Variants in CHRNA4 observed in about 807,000 individuals in gnomAD.
CHRNA4 encodes neuronal acetylcholine receptor subunit alpha-4.
A neutral mutation model predicts 48.9 loss-of-function variants in CHRNA4; 28 were observed. The ratio of observed to expected loss-of-function variants is 0.57; its 90% confidence interval spans 0.42 to 0.79. CHRNA4 has a LOEUF of 0.79. Among genes scored for constraint, CHRNA4 ranks in the 30% least tolerant of loss-of-function variants. The pLI is 0.00. For synonymous variants in CHRNA4, 425 were observed against 402.3 expected (o/e 1.06, Z -0.68); for missense variants, 859 against 898.4 (o/e 0.96, Z 0.56).
In CHRNA4 at chr20:63,345,843, G is replaced by C. The variant is rs2068484078; in HGVS notation, c.*895C>G. 2.2e-6 allele frequency: 1 copy of C among 451,836 alleles called. No individual in the cohort carries two copies. Among genetic ancestry groups the C allele is most frequent in the African/African-American group, 2.0e-5 (1 of 49,962 alleles). The allele number at this position is 451,836 out of a possible 1,614,324, so 28.0% of individuals were successfully genotyped here. On this transcript the variant is annotated 3_prime_UTR_variant, in exon 6 of 6. Transcript: ENST00000370263. The surrounding 1 kb of genome is among the most constrained non-coding windows in gnomAD (Gnocchi z 5.4). ...CTGGGGGAACCAGGGCCCAGGTCTGGACTCCATTCGGGACCTTCCCAGCTC... is the reference window on the plus strand; with the variant it reads ...CTGGGGGAACCAGGGCCCAGGTCTGCACTCCATTCGGGACCTTCCCAGCTC...
rs772099807 is a variant in CHRNA4 at position 63,356,397 on chromosome 20, T to C, written c.247A>G (p.Met83Val). Residue 83 changes from methionine to valine, a missense_variant, in exon 3 of 6, where the codon ATG becomes GTG. Transcript: ENST00000370263. Reference sequence around the variant, plus strand: ...TGCTTCACCCATACGTTCGTGGTCATCATCTGGTTCTTCTCATCCTAGGGC... The same window carrying C: ...TGCTTCACCCATACGTTCGTGGTCACCATCTGGTTCTTCTCATCCTAGGGC... ...LIDVDEKNQM[M>V]TTNVWVKQEW... 6.2e-7 allele frequency: 1 copy of C among 1,602,162 alleles called. No individual in the cohort carries two copies. Among genetic ancestry groups the C allele is most frequent in the Non-Finnish European group, 8.5e-7 (1 of 1,174,946 alleles).
chr20:63,361,200 G>A lies in CHRNA4; in HGVS notation c.-35C>T, dbSNP rs1424706749. 1.4e-6 allele frequency: 2 copies of A among 1,449,952 alleles called. No homozygotes were observed. The highest frequency in any genetic ancestry group is 1.8e-6 in the Non-Finnish European group (2 of 1,104,072). The allele number at this position is 1,449,952 out of a possible 1,614,324, so 89.8% of individuals were successfully genotyped here. On this transcript the variant is annotated 5_prime_UTR_variant, in exon 1 of 6. Transcript: ENST00000370263. ...ACCTCGCGGGCTCTAGATGCGGGCG[G>A]CTCCCGGCTCCCCGCCGCTTCGAGG...
chr20:63,354,579 G>A (rs1660381011), intron 4 of CHRNA4: 3 of 711,402 alleles, frequency 4.2e-6, no homozygotes, highest in African/African-American at 4.8e-5. Flanking sequence ...TGGTGAGGCT[G>A]TGGAAGTGGG....
rs1182063693 is a variant in CHRNA4, at chr20:63,345,829, A to G, written c.*909T>C. The G allele has an allele frequency of 2.2e-6, 1 of 449,372 alleles. No individual in the cohort carries two copies. Among genetic ancestry groups the G allele is most frequent in the East Asian group, 7.0e-5 (1 of 14,224 alleles). 27.8% of individuals were successfully genotyped at this position (449,372 alleles called of 1,614,324 possible). A position where few individuals can be genotyped will look rare whatever the true frequency, so the allele number is the denominator to read the frequency against. ...AAACCCTCAGGGTCCTGGGGGAACC[A>G]GGGCCCAGGTCTGGACTCCATTCGG... is the stretch of plus-strand genomic sequence containing the variant. On this transcript the variant is annotated 3_prime_UTR_variant, in exon 6 of 6. Transcript: ENST00000370263. This position sits in a 1 kb window ranked among gnomAD's most constrained non-coding sequence, Gnocchi z 5.4.
At chr20:63,356,686 A>G in intron 2 of CHRNA4, 1 of 559,366 alleles carries the variant, frequency 1.8e-6, no homozygotes, top group South Asian at 2.0e-5. Flanking sequence ...TTCCCCAGCT[A>G]AGGACAGGTG....
chr20:63,351,193 C>CCCCACGT (rs1568811707), intron 4 of CHRNA4, 166 bp from the exon 5 acceptor site: 18 of 446,228 alleles, frequency 4.0e-5, no homozygotes, highest in South Asian at 2.8e-4. Flanking sequence ...ATGTCCCACG[C>CCCCACGT]CCACATCCAC....
In CHRNA4 at chr20:63,343,828, G is replaced by A. The variant is rs200264923; in HGVS notation, c.*2910C>T. On this transcript the variant is annotated 3_prime_UTR_variant, in exon 6 of 6. Coordinates refer to ENST00000370263, the MANE Select transcript of CHRNA4 (RefSeq NM_000744.7). The stretch of plus-strand genomic sequence containing the variant: ...GGTGCCTGGCACAGGGCGGGGAAAC[G>A]TTGGCTTAGTGTGAGACTTTGATAG... 3.7e-5 allele frequency: 17 copies of A among 454,064 alleles called. No individual in the cohort carries two copies. Among genetic ancestry groups the A allele is most frequent in the East Asian group, 3.5e-4 (5 of 14,414 alleles). The allele number at this position is 454,064 out of a possible 1,614,324, so 28.1% of individuals were successfully genotyped here. A position where few individuals can be genotyped will look rare whatever the true frequency, so the allele number is the denominator to read the frequency against.
In CHRNA4 at chr20:63,351,039, G is replaced by A; in HGVS notation, c.384-12C>T. The A allele has an allele frequency of 1.9e-6, 3 of 1,609,928 alleles. No homozygotes were observed. Among genetic ancestry groups the A allele is most frequent in the Non-Finnish European group, 2.5e-6 (3 of 1,179,078 alleles). ...AGTCCCCGTCAGCACTGGGCAGGAA[G>A]AGAGCGAAGGGTGTGAGACCCCCAC... On this transcript the variant is annotated splice_polypyrimidine_tract_variant and intron_variant, in intron 4 of 5. Coordinates refer to ENST00000370263, the MANE Select transcript of CHRNA4 (RefSeq NM_000744.7).
rs768157010 is a variant in CHRNA4, at chr20:63,344,047, C to T, written c.*2691G>A. ...CTCCATTCCTAATCACCGACAGCTG[C>T]AAGCAAAGTCCACTAACAGGTGATG... On this transcript the variant is annotated 3_prime_UTR_variant, in exon 6 of 6. Transcript: ENST00000370263. This position sits in a 1 kb window ranked among gnomAD's most constrained non-coding sequence, Gnocchi z 4.5. 1 of 454,036 alleles carries T rather than the reference C, an allele frequency of 2.2e-6. No individual in the cohort carries two copies. The highest frequency in any genetic ancestry group is 4.4e-6 in the Non-Finnish European group (1 of 226,808). 28.1% of individuals were successfully genotyped at this position (454,036 alleles called of 1,614,324 possible). A position where few individuals can be genotyped will look rare whatever the true frequency, so the allele number is the denominator to read the frequency against.
rs6090387 is a variant in CHRNA4 at position 63,361,195 on chromosome 20, G to C, written c.-30C>G. 0.74 allele frequency: 1,080,747 copies of C among 1,453,094 alleles called. 407,618 individuals carry two copies. Among genetic ancestry groups the C allele is most frequent in the Non-Finnish European group, 0.78 (862,705 of 1,106,870 alleles). 90.0% of individuals were successfully genotyped at this position (1,453,094 alleles called of 1,614,324 possible). A position where few individuals can be genotyped will look rare whatever the true frequency, so the allele number is the denominator to read the frequency against. On this transcript the variant is annotated 5_prime_UTR_variant, in exon 1 of 6. Coordinates refer to ENST00000370263, the MANE Select transcript of CHRNA4 (RefSeq NM_000744.7). ...CACGCACCTCGCGGGCTCTAGATGC[G>C]GGCGGCTCCCGGCTCCCCGCCGCTT...
Position 63,351,030 on chromosome 20 carries a change from G to C in CHRNA4, c.384-3C>G, listed in dbSNP as rs894265779. On this transcript the variant is annotated splice_polypyrimidine_tract_variant and splice_region_variant and intron_variant, in intron 4 of 5. Transcript: ENST00000370263. Reference sequence around the variant, plus strand: ...TGACCGCGAAGTCCCCGTCAGCACTGGGCAGGAAGAGAGCGAAGGGTGTGA... The same window carrying C: ...TGACCGCGAAGTCCCCGTCAGCACTCGGCAGGAAGAGAGCGAAGGGTGTGA... 21 of 1,611,294 alleles carry C rather than the reference G, an allele frequency of 1.3e-5. No individual in the cohort carries two copies. Among genetic ancestry groups the C allele is most frequent in the African/African-American group, 2.7e-5 (2 of 74,446 alleles).
intron 2 of CHRNA4, among the ~76,000 whole-genome samples, chr20:63,357,075 C>T (rs1006238274): frequency 7.9e-5 from 10 of 126,686 alleles, no homozygotes; most frequent in Non-Finnish European, 1.2e-4. Flanking sequence ...CCACGGACCA[C>T]GTCCCCACAG....
intron 2 of CHRNA4, among the ~76,000 whole-genome samples, chr20:63,358,638 C>T (rs891517561): frequency 3.3e-5 from 5 of 152,228 alleles, no homozygotes; most frequent in Non-Finnish European, 4.4e-5. Context: ...GCTGCCCACT[C>T]GCAAGTGGGC....
rs2068459181 is a variant in CHRNA4 at position 63,344,609 on chromosome 20, G to A, written c.*2129C>T. On this transcript the variant is annotated 3_prime_UTR_variant, in exon 6 of 6. Transcript: ENST00000370263. The surrounding 1 kb of genome is among the most constrained non-coding windows in gnomAD (Gnocchi z 4.5). ...CCGCAGTCACTCCTGACCCAGAAAA[G>A]AACAACCACAGCTGGGCCCAGCACC... 2.2e-6 allele frequency: 1 copy of A among 453,464 alleles called. No individual in the cohort carries two copies. The allele number at this position is 453,464 out of a possible 1,614,324, so 28.1% of individuals were successfully genotyped here.
chr20:63,350,377 C>A lies in CHRNA4; in HGVS notation c.1034G>T (p.Arg345Leu), dbSNP rs200666489. Residue 345 changes from arginine (R) to leucine (L), a missense_variant, in exon 5 of 6, where the codon CGC (arginine) becomes CTC (leucine). By Grantham distance (102) the Arg-to-Leu change is moderately radical. This residue lies in a region of CHRNA4 where 478 missense variants were observed against 455.4 expected (regional missense o/e 1.05). Transcript: ENST00000370263. ...PRTHTMPTWVRRVFLDIVPRL... is the reference protein window; with the variant it reads ...PRTHTMPTWVLRVFLDIVPRL... Reference sequence around the variant, plus strand: ...TGGCACGATGTCCAGGAAGACCCTGCGTACCCAGGTGGGCATGGTGTGCGT... The same window carrying A: ...TGGCACGATGTCCAGGAAGACCCTGAGTACCCAGGTGGGCATGGTGTGCGT... 5 of 1,613,670 alleles carry A rather than the reference C, an allele frequency of 3.1e-6. No individual in the cohort carries two copies. The highest frequency in any genetic ancestry group is 2.2e-5 in the East Asian group (1 of 44,890).
chr20:63,349,046 C>A (rs1232181654), intron 5 of CHRNA4, among the ~76,000 whole-genome samples: 1 of 152,006 alleles, frequency 6.6e-6, no homozygotes, highest in Non-Finnish European at 1.5e-5. Context: ...GGGCCTTAGC[C>A]GTGGGACCAG....
chr20:63,353,042 G>A (rs1384427263), intron 4 of CHRNA4, among the ~76,000 whole-genome samples: 1 of 152,234 alleles, frequency 6.6e-6, no homozygotes, highest in African/African-American at 2.4e-5. Flanking sequence ...AGCAGGTCCA[G>A]GTTCCTGCTC....
rs121912245 is a variant in CHRNA4, at chr20:63,350,949, C to T, written c.462G>A (p.Pro154=). The T allele has an allele frequency of 6.9e-5, 112 of 1,613,766 alleles. 1 individual carries two copies. The African/African-American group carries it at 1.1e-3, about 15-fold the overall frequency. ...FHDGRVQWTP[P]AIYKSSCSID... Reference sequence around the variant, plus strand: ...TGCTGCAGGAGCTCTTGTAAATGGCCGGGGGAGTCCACTGCACCCGCCCGT... The same window carrying T: ...TGCTGCAGGAGCTCTTGTAAATGGCTGGGGGAGTCCACTGCACCCGCCCGT... Residue 154 remains proline (P), a synonymous_variant, in exon 5 of 6, where the codon CCG becomes CCA. Transcript: ENST00000370263.
intron 4 of CHRNA4, among the ~76,000 whole-genome samples, chr20:63,352,230 TC>T (rs1269086340): frequency 1.3e-5 from 2 of 152,132 alleles, no homozygotes; most frequent in Non-Finnish European, 2.9e-5. Flanking sequence ...TGGCGACTGT[TC>T]CCTGAGCTTC....
Sources: gnomAD v4.1 joint callset for allele counts (sites outside exome capture counted in the v4.1 genomes callset) on GRCh38, gnomAD v4.1.1 for gene constraint, gnomAD v4.1.1 regional missense constraint, Gnocchi (gnomAD v3.1) non-coding constraint, MANE v1.5 for transcripts, NCBI Gene and HGNC (gene_info 2026-07-23, HGNC 2026-07-21) for gene names.